Variants in ME2 observed in about 807,000 individuals in gnomAD.
The protein encoded by ME2 is malic enzyme 2, also known as NAD-dependent malic enzyme, mitochondrial.
ME2 carries 60 observed loss-of-function variants against 73.7 expected under a neutral mutation model. That is an observed-to-expected ratio of 0.81 (90% CI 0.66 to 1.01). The LOEUF is 1.01. Among genes scored for constraint, ME2 ranks in the 50% least tolerant of loss-of-function variants. ME2 has a pLI of 0.00. For synonymous variants in ME2, 199 were observed against 236.9 expected (o/e 0.84, Z 1.47); for missense variants, 594 against 705.5 (o/e 0.84, Z 1.79).
At chr18:50,943,403 G>A (rs531174380) in intron 15 of ME2, among the ~76,000 whole-genome samples, 9 of 152,128 alleles carry the variant, frequency 5.9e-5, no homozygotes, top group Non-Finnish European at 8.8e-5. Context: ...AGGCTCAAGC[G>A]ATCTTCCCAC....
rs748692867 is a variant in ME2, at chr18:50,947,157, A to C, written c.1728A>C (p.Ala576=). 2.5e-6 allele frequency: 4 copies of C among 1,613,480 alleles called. No homozygotes were observed. Among genetic ancestry groups the C allele is most frequent in the Non-Finnish European group, 8.5e-7 (1 of 1,180,002 alleles). ...LPDVYEWPES[A]SSPPVITE is the part of the protein sequence containing the mutation. ...ATGTGTATGAATGGCCAGAATCTGC[A>C]TCAAGCCCTCCTGTGATAACAGAAT... Residue 576 remains alanine, a synonymous_variant, in exon 16 of 16, where the codon GCA becomes GCC. Coordinates refer to ENST00000321341, the MANE Select transcript of ME2 (RefSeq NM_002396.5).
intron 12 of ME2, among the ~76,000 whole-genome samples, chr18:50,929,633 A>G (rs908299188): frequency 6.6e-6 from 1 of 152,122 alleles, no homozygotes; most frequent in African/African-American, 2.4e-5. Flanking sequence ...AATTATTGAA[A>G]TCTCTTCTTC....
In ME2 at chr18:50,901,606, T is replaced by C. The variant is rs540658955; in HGVS notation, c.108+5678T>C. Among the ~76,000 whole-genome samples, 259 of 152,268 alleles carry C rather than the reference T, an allele frequency of 1.7e-3. 2 individuals carry two copies. The highest frequency in any genetic ancestry group is 1.4e-3 in the Non-Finnish European group (94 of 68,024). ...GTAATAATGCTTCCATAGGGTAGAGTGCTCAAACAAGAAATTTGGGAAGGA... is the reference window on the plus strand; with the variant it reads ...GTAATAATGCTTCCATAGGGTAGAGCGCTCAAACAAGAAATTTGGGAAGGA... On this transcript the variant is annotated intron_variant, in intron 2 of 15. Transcript: ENST00000321341.
chr18:50,949,122 G>T lies in ME2; in HGVS notation c.*1938G>T, dbSNP rs552747802. The T allele has an allele frequency of 1.4e-3, 209 of 152,280 alleles. 2 individuals are homozygous for T. Among genetic ancestry groups the T allele is most frequent in the Middle Eastern group, 3.4e-3 (1 of 294 alleles). The allele number at this position is 152,280 out of a possible 1,614,324, so 9.4% of individuals were successfully genotyped here. A position where few individuals can be genotyped will look rare whatever the true frequency, so the allele number is the denominator to read the frequency against. On this transcript the variant is annotated 3_prime_UTR_variant, in exon 16 of 16. Transcript: ENST00000321341. ...CCCAAAGTGCTGGGATTACAGGCGT[G>T]AGCCACCACACCTGGTCCAATTCAT...
intron 2 of ME2, among the ~76,000 whole-genome samples, chr18:50,902,397 T>C (rs1324757945): frequency 6.6e-6 from 1 of 152,246 alleles, no homozygotes; most frequent in Non-Finnish European, 1.5e-5. Flanking sequence ...ATTGCTATTA[T>C]TCTATCACCT....
intron 14 of ME2, 120 bp downstream of exon 14, chr18:50,939,760 TC>T: frequency 4.6e-6 from 3 of 651,554 alleles, no homozygotes; most frequent in Non-Finnish European, 5.2e-6. Context: ...AGGAAGTTAC[TC>T]AAATTACTTT....
intron 6 of ME2, 144 bp downstream of exon 6, chr18:50,917,652 A>G: frequency 4.2e-6 from 2 of 474,548 alleles, no homozygotes. Context: ...TAATATTTAT[A>G]TAAATAATAG....
At chr18:50,921,037 C>A in intron 9 of ME2, 37 bp from the exon 10 acceptor site, 1 of 1,015,718 alleles carries the variant, frequency 9.8e-7, no homozygotes, top group Non-Finnish European at 1.5e-6. Context: ...TTGCATCGTA[C>A]TCTAGTATAT....
chr18:50,953,171 C>T lies in ME2; in HGVS notation c.*5987C>T, dbSNP rs1405746571. On this transcript the variant is annotated 3_prime_UTR_variant, in exon 16 of 16. Transcript: ENST00000321341. Reference sequence around the variant, plus strand: ...CTGGAGTGCAGTGGCGCAATCTCAGCTCACTGCAAGCTCCGCCTCCCGGGT... The same window carrying T: ...CTGGAGTGCAGTGGCGCAATCTCAGTTCACTGCAAGCTCCGCCTCCCGGGT... 6.6e-6 allele frequency: 1 copy of T among 151,080 alleles called. No individual in the cohort carries two copies. The highest frequency in any genetic ancestry group is 1.5e-5 in the Non-Finnish European group (1 of 68,004). The allele number at this position is 151,080 out of a possible 1,614,324, so 9.4% of individuals were successfully genotyped here. A position where few individuals can be genotyped will look rare whatever the true frequency, so the allele number is the denominator to read the frequency against.
chr18:50,891,709 G>C (rs887726468), intron 1 of ME2, among the ~76,000 whole-genome samples: 2 of 152,174 alleles, frequency 1.3e-5, no homozygotes, highest in African/African-American at 4.8e-5. Flanking sequence ...GTGAAGGATG[G>C]TGTGTATGTA....
At chr18:50,924,260 T>C (rs747137060) in intron 11 of ME2, 48 bp downstream of exon 11, 1 of 1,249,650 alleles carries the variant, frequency 8.0e-7, no homozygotes, top group Non-Finnish European at 1.2e-6. Flanking sequence ...AACTGTATGT[T>C]GCCAGTCATC....
intron 4 of ME2, chr18:50,915,964 C>T: frequency 1.5e-5 from 6 of 411,110 alleles, no homozygotes; most frequent in South Asian, 5.0e-5. Context: ...TAACAATAAT[C>T]TTTGTTGCAT....
At chr18:50,916,375 T>C in intron 5 of ME2, 132 bp downstream of exon 5, 1 of 651,952 alleles carries the variant, frequency 1.5e-6, no homozygotes, top group African/African-American at 1.8e-5. Flanking sequence ...TTTAGTGCTT[T>C]GCAGCTGAAG....
chr18:50,935,872 A>AG (rs889523500), intron 13 of ME2: 3 of 151,674 alleles, frequency 2.0e-5, no homozygotes, highest in African/African-American at 7.3e-5. Flanking sequence ...GAGACCAAAA[A>AG]GAAAAAAAAA....
chr18:50,910,503 T>C (rs1330219599), intron 3 of ME2, among the ~76,000 whole-genome samples: 1 of 151,788 alleles, frequency 6.6e-6, no homozygotes, highest in Admixed American at 6.6e-5. Flanking sequence ...GAGCAGACCC[T>C]GATGGCCTGG....
rs780163648 is a variant in ME2, at chr18:50,947,028, C to T, written c.1599C>T (p.Tyr533=). ...TACTTATTTTTCAGGTTACAGAATA[C>T]CTATATGCTAATAAAATGGCTTTCC... ...SINIAIKVTE[Y]LYANKMAFRY... The change falls in exon 16 of 16, where the codon TAC becomes TAT. Residue 533 remains tyrosine, a synonymous_variant. Transcript: ENST00000321341. 2.5e-6 allele frequency: 4 copies of T among 1,612,298 alleles called. No homozygotes were observed. Among genetic ancestry groups the T allele is most frequent in the Middle Eastern group, 1.6e-4 (1 of 6,084 alleles).
intron 1 of ME2, among the ~76,000 whole-genome samples, 177 bp downstream of exon 1, chr18:50,879,485 C>A (rs1369730688): frequency 6.6e-6 from 1 of 152,170 alleles, no homozygotes; most frequent in Non-Finnish European, 1.5e-5. Context: ...CTGCGGAGTC[C>A]GGGCTGAGGG....
intron 1 of ME2, among the ~76,000 whole-genome samples, chr18:50,890,316 G>A (rs1916576204): frequency 6.6e-6 from 1 of 152,014 alleles, no homozygotes; most frequent in African/African-American, 2.4e-5. Context: ...GTCTTACTAT[G>A]TTGCCCAGGC....
chr18:50,893,742 T>C (rs1916665877), intron 1 of ME2, among the ~76,000 whole-genome samples: 1 of 152,254 alleles, frequency 6.6e-6, no homozygotes, highest in South Asian at 2.1e-4. Flanking sequence ...GATTTTCTAC[T>C]GCTGCCTTTT....
Sources: gnomAD v4.1 joint callset for allele counts (sites outside exome capture counted in the v4.1 genomes callset) on GRCh38, gnomAD v4.1.1 for gene constraint, MANE v1.5 for transcripts, NCBI Gene and HGNC (gene_info 2026-07-23, HGNC 2026-07-21) for gene names.